The following CPLX2 variants were observed in gnomAD, a reference collection of about 807,000 sequenced individuals.
The protein encoded by CPLX2 is complexin 2.
A neutral mutation model predicts 16.3 loss-of-function variants in CPLX2; 5 were observed. The observed-to-expected ratio is 0.31, with a 90% CI of 0.16 to 0.64. The LOEUF is 0.64. Ranked by LOEUF, CPLX2 falls within the 30% of genes least tolerant of loss-of-function variation. The pLI, the probability that CPLX2 is intolerant of heterozygous loss-of-function variation, is 0.79. For missense variants in CPLX2, 144 were observed against 181.4 expected (o/e 0.79, Z 1.18); for synonymous variants, 89 against 73.2 (o/e 1.22, Z -1.10).
intron 2 of CPLX2, among the ~76,000 whole-genome samples, chr5:175,829,092 G>A (rs548311670): frequency 7.9e-5 from 12 of 152,294 alleles, no homozygotes; most frequent in South Asian, 2.1e-4. Flanking sequence ...TCCCCACCAC[G>A]TCAGGTGAAG....
In CPLX2 at chr5:175,845,085, G is replaced by C. The variant is rs1001991999; in HGVS notation, c.-88-33567G>C. ...AGATGGTGACCCAAGAGAGCCTTCCGTGCCCATGGAAGCACTTGCCTGCAG... is the reference window on the plus strand; with the variant it reads ...AGATGGTGACCCAAGAGAGCCTTCCCTGCCCATGGAAGCACTTGCCTGCAG... On this transcript the variant is annotated intron_variant, in intron 2 of 4. Coordinates refer to the CPLX2 transcript ENST00000359546. This position sits in a 1 kb window ranked among gnomAD's most constrained non-coding sequence, Gnocchi z 4.0. Among the ~76,000 whole-genome samples the C allele has an allele frequency of 1.3e-5, 2 of 152,186 alleles. No homozygotes were observed. The highest frequency in any genetic ancestry group is 2.9e-5 in the Non-Finnish European group (2 of 68,034).
upstream of CPLX2, among the ~76,000 whole-genome samples, chr5:175,867,615 G>A (rs1044664186): frequency 7.2e-5 from 11 of 151,864 alleles, no homozygotes; most frequent in African/African-American, 2.2e-4. Flanking sequence ...AACACCCCAC[G>A]TAGGTCTATA....
chr5:175,869,240 C>T (rs997495327), upstream of CPLX2, among the ~76,000 whole-genome samples: 1 of 152,164 alleles, frequency 6.6e-6, no homozygotes, highest in African/African-American at 2.4e-5. Flanking sequence ...AGCTGCCTTC[C>T]TATTCGCCAG....
chr5:175,805,864 C>T (rs1045291182), intron 1 of CPLX2, among the ~76,000 whole-genome samples: 8 of 152,192 alleles, frequency 5.3e-5, no homozygotes, highest in African/African-American at 7.2e-5. Flanking sequence ...CTGCCACAGA[C>T]GCCCATGTCA....
intron 1 of CPLX2, among the ~76,000 whole-genome samples, chr5:175,798,734 C>G (rs1758036726): frequency 6.6e-6 from 1 of 151,812 alleles, no homozygotes; most frequent in Non-Finnish European, 1.5e-5. Flanking sequence ...GTATAATAAC[C>G]CCCCACATAC....
intron 2 of CPLX2, among the ~76,000 whole-genome samples, chr5:175,818,242 A>G (rs1758443823): frequency 6.6e-6 from 1 of 152,130 alleles, no homozygotes; most frequent in Non-Finnish European, 1.5e-5. Context: ...GAAAAGGGAT[A>G]CCAGCTAGAG....
At chr5:175,796,802 T>G (rs1428693865) in intron 1 of CPLX2, 1 of 152,182 alleles carries the variant, frequency 6.6e-6, no homozygotes, top group Non-Finnish European at 1.5e-5. Flanking sequence ...GAACGCGCGC[T>G]CGCTCCCTGT....
At chr5:175,858,392 G>A (rs1191295415) in intron 2 of CPLX2, among the ~76,000 whole-genome samples, 2 of 152,248 alleles carry the variant, frequency 1.3e-5, no homozygotes, top group South Asian at 2.1e-4. Flanking sequence ...AATGAATGGT[G>A]AGCAGAAATG....
rs58823187 is a variant in CPLX2, at chr5:175,860,995, C to CAA, written c.-88-17643_-88-17642dup. On this transcript the variant is annotated intron_variant, in intron 2 of 4. Transcript: ENST00000359546. ...GGGTTATGTGTGTGGGTGAGAAATA[C>CAA]AAAAAAAAAAAAAAAGCTTCAGAAG... Among the ~76,000 whole-genome samples the CAA allele has an allele frequency of 4.1e-4, 29 of 70,454 alleles. No individual in the cohort carries two copies. The East Asian group carries it at 8.1e-3, about 20-fold the overall frequency. 46.2% of individuals were successfully genotyped at this position (70,454 alleles called of 152,430 possible).
At position 175,878,937 on chromosome 5, in the gene CPLX2, G is replaced by A. The variant is rs1436145717; in HGVS notation, c.61G>A (p.Gly21Arg). ...CACAAAGGACATGGGGAAGATGCTG[G>A]GGGGAGAGGAGGAGAAGGACCCCGA... ...GATKDMGKML[G>R]GEEEKDPDAQ... The change falls in exon 3 of 4, where the codon GGG (glycine) becomes AGG (arginine). Residue 21 changes from glycine to arginine, a missense_variant. By Grantham distance (125) the Gly-to-Arg change is moderately radical. Transcript: ENST00000393745. 6.2e-7 allele frequency: 1 copy of A among 1,612,698 alleles called. No homozygotes were observed. Among genetic ancestry groups the A allele is most frequent in the Admixed American group, 1.7e-5 (1 of 59,910 alleles).
intron 2 of CPLX2, among the ~76,000 whole-genome samples, chr5:175,848,391 G>A (rs531087296): frequency 1.3e-5 from 2 of 152,232 alleles, no homozygotes; most frequent in Non-Finnish European, 1.5e-5. Flanking sequence ...TCAACCAGGG[G>A]ACAGGAGGAG....
chr5:175,870,509 G>A (rs1472461895), upstream of CPLX2, among the ~76,000 whole-genome samples: 1 of 152,184 alleles, frequency 6.6e-6, no homozygotes, highest in East Asian at 1.9e-4. Flanking sequence ...CACAGGCCTT[G>A]TGCAAGGCCC....
intron 2 of CPLX2, among the ~76,000 whole-genome samples, chr5:175,818,998 TGAA>T (rs1303268032): frequency 6.6e-6 from 1 of 152,192 alleles, no homozygotes; most frequent in South Asian, 2.1e-4. Flanking sequence ...TGGCTGTTTT[TGAA>T]CTTCATATAA....
chr5:175,831,020 A>G (rs2113657325), intron 2 of CPLX2, among the ~76,000 whole-genome samples: 1 of 152,100 alleles, frequency 6.6e-6, no homozygotes, highest in Admixed American at 6.6e-5. Context: ...GAGTGTCTCC[A>G]TATCCTATGC....
intron 2 of CPLX2, among the ~76,000 whole-genome samples, chr5:175,827,504 C>T (rs1219135085): frequency 2.0e-5 from 3 of 152,172 alleles, no homozygotes; most frequent in Non-Finnish European, 4.4e-5. Context: ...CCTGTAATCC[C>T]AGCACTGTGG....
intron 2 of CPLX2, among the ~76,000 whole-genome samples, chr5:175,831,373 C>T (rs960854378): frequency 1.3e-5 from 2 of 152,122 alleles, no homozygotes; most frequent in African/African-American, 2.4e-5. Context: ...AACTGGAACC[C>T]AGATTTGCTT....
rs1459185805 is a variant in CPLX2 at position 175,883,132 on chromosome 5, G to A, written c.*3087G>A. On this transcript the variant is annotated 3_prime_UTR_variant, in exon 4 of 4. Coordinates refer to ENST00000393745, the MANE Select transcript of CPLX2 (RefSeq NM_001008220.2). ...TTGTAGATGGGTGAAAAAAGAATGA[G>A]GTTCAAGGGAGCGTGCACCAGGTGA... 6.6e-6 allele frequency: 1 copy of A among 152,324 alleles called. No homozygotes were observed. The highest frequency in any genetic ancestry group is 1.5e-5 in the Non-Finnish European group (1 of 68,090). 9.4% of individuals were successfully genotyped at this position (152,324 alleles called of 1,614,324 possible).
At chr5:175,843,176 C>CTAGTCTGAGG (rs1758977452) in intron 2 of CPLX2, among the ~76,000 whole-genome samples, 1 of 152,160 alleles carries the variant, frequency 6.6e-6, no homozygotes. Flanking sequence ...TCTGAGGCAG[C>CTAGTCTGAGG]CAGACGGGGT....
At chr5:175,852,356 T>C (rs970488263) in intron 2 of CPLX2, among the ~76,000 whole-genome samples, 1 of 152,120 alleles carries the variant, frequency 6.6e-6, no homozygotes, top group Non-Finnish European at 1.5e-5. Flanking sequence ...TCTGGAGGGA[T>C]GGAGGAGAGA....
Sources: allele counts gnomAD v4.1 joint callset (sites outside exome capture counted in the v4.1 genomes callset), GRCh38; gene constraint gnomAD v4.1.1; non-coding constraint Gnocchi (gnomAD v3.1); transcripts MANE v1.5; gene names NCBI Gene and HGNC (gene_info 2026-07-23, HGNC 2026-07-21).